Variants in COLEC12 observed in about 807,000 individuals in gnomAD.
The protein encoded by COLEC12 is collectin-12.
In COLEC12, 33 loss-of-function variants were observed where a neutral mutation model predicts 71.1. The observed-to-expected ratio is 0.46, with a 90% CI of 0.35 to 0.62. The LOEUF is 0.62. Among genes scored for constraint, COLEC12 ranks in the 20% least tolerant of loss-of-function variants. The pLI is 0.00. For missense variants in COLEC12, 765 were observed against 916.1 expected, an observed-to-expected ratio of 0.84 and a Z score of 2.13; for synonymous variants, 350 against 353.0, an observed-to-expected ratio of 0.99 and a Z score of 0.10.
chr18:471,982 T>C (rs1917208090), intron 2 of COLEC12, among the ~76,000 whole-genome samples: 1 of 152,238 alleles, frequency 6.6e-6, no homozygotes, highest in South Asian at 2.1e-4. Flanking sequence ...CTGGACACAC[T>C]GTAGCCACCT....
At chr18:489,735 T>C (rs1449780231) in intron 1 of COLEC12, among the ~76,000 whole-genome samples, 1 of 152,026 alleles carries the variant, frequency 6.6e-6, no homozygotes, top group Non-Finnish European at 1.5e-5. Flanking sequence ...ATATCAACAC[T>C]GAATGTGGAT....
At chr18:446,618 A>G (rs1434919147) in intron 2 of COLEC12, among the ~76,000 whole-genome samples, 1 of 150,354 alleles carries the variant, frequency 6.7e-6, no homozygotes, top group Non-Finnish European at 1.5e-5. Flanking sequence ...CTGAGGTGGG[A>G]GAATTGCTCG....
chr18:439,991 G>GCACA (rs59854051), intron 2 of COLEC12, among the ~76,000 whole-genome samples: 5 of 150,464 alleles, frequency 3.3e-5, no homozygotes, highest in African/African-American at 1.2e-4. Flanking sequence ...GTGTATGAAT[G>GCACA]CACACACACA....
intron 1 of COLEC12, among the ~76,000 whole-genome samples, chr18:493,987 T>C (rs1567925585): frequency 6.8e-6 from 1 of 148,130 alleles, no homozygotes; most frequent in East Asian, 2.0e-4. Flanking sequence ...GCAATAGTAC[T>C]AAAAAAAAAA....
intron 2 of COLEC12, among the ~76,000 whole-genome samples, chr18:415,926 C>G (rs993374317): frequency 1.3e-5 from 2 of 152,180 alleles, no homozygotes; most frequent in African/African-American, 4.8e-5. Context: ...TTCAACTACT[C>G]AATACTTTGG....
chr18:402,432 G>A (rs569292325), intron 2 of COLEC12, among the ~76,000 whole-genome samples: 1 of 152,248 alleles, frequency 6.6e-6, no homozygotes, highest in Admixed American at 6.5e-5. Context: ...CTATTCTCCT[G>A]CCTCAGCACC....
At chr18:429,398 T>C (rs1318645326) in intron 2 of COLEC12, among the ~76,000 whole-genome samples, 1 of 149,464 alleles carries the variant, frequency 6.7e-6, no homozygotes, top group Non-Finnish European at 1.5e-5. Context: ...CTTTTTTTTT[T>C]TAAGACAGTG....
At chr18:484,150 GT>G (rs1917476800) in intron 1 of COLEC12, among the ~76,000 whole-genome samples, 1 of 152,198 alleles carries the variant, frequency 6.6e-6, no homozygotes, top group African/African-American at 2.4e-5. Context: ...TTGTTTGTTT[GT>G]TTTCGTTTCC....
chr18:370,538 A>G (rs1373753311), intron 2 of COLEC12, among the ~76,000 whole-genome samples: 1 of 152,160 alleles, frequency 6.6e-6, no homozygotes, highest in Non-Finnish European at 1.5e-5. Context: ...TCACTCATAC[A>G]TTTTATTTTT....
At chr18:453,661 A>G (rs1916807009) in intron 2 of COLEC12, among the ~76,000 whole-genome samples, 1 of 152,184 alleles carries the variant, frequency 6.6e-6, no homozygotes, top group African/African-American at 2.4e-5. Context: ...CCTGGGCTCT[A>G]TGCTAAAGAC....
At chr18:380,945 G>A (rs17549793) in intron 2 of COLEC12, among the ~76,000 whole-genome samples, 32,463 of 151,996 alleles carry the variant, frequency 0.21, 3,672 homozygotes, top group Middle Eastern at 0.3. Context: ...CTAGGCAACC[G>A]GCCCCTGATG....
At chr18:325,242 T>C (rs1036273777) in intron 8 of COLEC12, among the ~76,000 whole-genome samples, 15 of 152,136 alleles carry the variant, frequency 9.9e-5, no homozygotes, top group Non-Finnish European at 1.8e-4. Flanking sequence ...TATGATATTA[T>C]ACGGAGCAGT....
chr18:463,716 C>G, intron 2 of COLEC12, among the ~76,000 whole-genome samples: 1 of 152,172 alleles, frequency 6.6e-6, no homozygotes. Flanking sequence ...TTTCTTCTCT[C>G]TCACTTCATT....
At chr18:447,862 T>A (rs1916683457) in intron 2 of COLEC12, among the ~76,000 whole-genome samples, 1 of 152,208 alleles carries the variant, frequency 6.6e-6, no homozygotes, top group African/African-American at 2.4e-5. Flanking sequence ...AATATAATCA[T>A]ATCAGGAGAA....
At chr18:342,678 C>T (rs542645751) in intron 5 of COLEC12, among the ~76,000 whole-genome samples, 1 of 152,352 alleles carries the variant, frequency 6.6e-6, no homozygotes, top group East Asian at 1.9e-4. Flanking sequence ...TCCCCTCAGT[C>T]TCTCGTTCCC....
At chr18:386,404 T>C (rs1183836538) in intron 2 of COLEC12, among the ~76,000 whole-genome samples, 1 of 152,204 alleles carries the variant, frequency 6.6e-6, no homozygotes, top group Non-Finnish European at 1.5e-5. Context: ...TGTGGACTAG[T>C]GGCATCAGCA....
Position 317,183 on chromosome 18 carries a change from G to A in COLEC12, c.*2862C>T, listed in dbSNP as rs603456. ...AGAGATTGCAGTGAGCCGAGATCGCGCCACCGCACTCCAGCCTGGGTGACA... is the reference window on the plus strand; with the variant it reads ...AGAGATTGCAGTGAGCCGAGATCGCACCACCGCACTCCAGCCTGGGTGACA... On this transcript the variant is annotated 3_prime_UTR_variant, in exon 10 of 10. Transcript: ENST00000400256. The A allele has an allele frequency of 0.36, 54,841 of 151,968 alleles. 10,591 individuals carry two copies. The highest frequency in any genetic ancestry group is 0.46 in the South Asian group (2,229 of 4,804). The allele number at this position is 151,968 out of a possible 1,614,324, so 9.4% of individuals were successfully genotyped here. A position where few individuals can be genotyped will look rare whatever the true frequency, so the allele number is the denominator to read the frequency against.
intron 2 of COLEC12, among the ~76,000 whole-genome samples, chr18:473,643 G>GT (rs1333829016): frequency 6.6e-6 from 1 of 152,208 alleles, no homozygotes; most frequent in African/African-American, 2.4e-5. Flanking sequence ...GATTACAGGC[G>GT]TAAGCCACAG....
chr18:351,028 T>TA (rs1430980061), intron 3 of COLEC12, among the ~76,000 whole-genome samples: 1 of 150,074 alleles, frequency 6.7e-6, no homozygotes, highest in African/African-American at 2.5e-5. Flanking sequence ...AGCCAACGGA[T>TA]CTAATTTATT....
Sources: allele counts gnomAD v4.1 joint callset (sites outside exome capture counted in the v4.1 genomes callset), GRCh38; gene constraint gnomAD v4.1.1; transcripts MANE v1.5; gene names NCBI Gene and HGNC (gene_info 2026-07-23, HGNC 2026-07-21).